ADAMTS19: variants seen among roughly 807,000 people sequenced by gnomAD.
ADAMTS19 encodes the protein A disintegrin and metalloproteinase with thrombospondin motifs 19.
A neutral mutation model predicts 153.3 loss-of-function variants in ADAMTS19; 93 were observed. The observed-to-expected ratio is 0.61, with a 90% CI of 0.51 to 0.72. The LOEUF (loss-of-function observed/expected upper bound fraction) is 0.72. Ranked by LOEUF, ADAMTS19 falls within the 30% of genes least tolerant of loss-of-function variation. The pLI is 0.00. For synonymous variants in ADAMTS19, 600 were observed against 556.6 expected (o/e 1.08, Z -1.10); for missense variants, 1,482 against 1,552.1 (o/e 0.95, Z 0.76).
intron 2 of ADAMTS19, among the ~76,000 whole-genome samples, chr5:129,469,947 T>C (rs1750007978): frequency 6.6e-6 from 1 of 152,210 alleles, no homozygotes; most frequent in South Asian, 2.1e-4. Context: ...AATATGTAGA[T>C]ACATCAGTCT....
intron 2 of ADAMTS19, among the ~76,000 whole-genome samples, chr5:129,495,026 G>T (rs576217502): frequency 6.6e-6 from 1 of 151,796 alleles, no homozygotes; most frequent in Non-Finnish European, 1.5e-5. Flanking sequence ...AGTTGTATAG[G>T]GTCCACTTCA....
At chr5:129,605,633 TC>T (rs1336421526) in intron 8 of ADAMTS19, among the ~76,000 whole-genome samples, 12 of 152,324 alleles carry the variant, frequency 7.9e-5, no homozygotes, top group African/African-American at 2.9e-4. Context: ...TATGTCTCTT[TC>T]TTCTGTTTGT....
chr5:129,663,080 G>C (rs151109701), intron 15 of ADAMTS19, among the ~76,000 whole-genome samples: 1 of 151,864 alleles, frequency 6.6e-6, no homozygotes, highest in African/African-American at 2.4e-5. Context: ...ATTTTTAGTA[G>C]AGACGGGGTT....
intron 14 of ADAMTS19, among the ~76,000 whole-genome samples, chr5:129,655,813 A>G (rs1273943506): frequency 6.6e-6 from 1 of 152,262 alleles, no homozygotes; most frequent in Non-Finnish European, 1.5e-5. Flanking sequence ...AGTAGGCTAT[A>G]AAGTTTAAAG....
chr5:129,498,530 C>A (rs1184909195), intron 2 of ADAMTS19, among the ~76,000 whole-genome samples: 1 of 151,924 alleles, frequency 6.6e-6, no homozygotes, highest in Non-Finnish European at 1.5e-5. Context: ...TTTGCTGTGA[C>A]ATATACACAT....
chr5:129,483,959 CA>C (rs1288809666), intron 2 of ADAMTS19, among the ~76,000 whole-genome samples: 1 of 152,138 alleles, frequency 6.6e-6, no homozygotes, highest in Admixed American at 6.5e-5. Context: ...TCTGCCAAAT[CA>C]ACTTCTAAAA....
intron 7 of ADAMTS19, among the ~76,000 whole-genome samples, chr5:129,579,305 TTTGA>T (rs1248823801): frequency 3.3e-5 from 5 of 152,154 alleles, no homozygotes; most frequent in Non-Finnish European, 4.4e-5. Flanking sequence ...TTCTTGTAAA[TTTGA>T]TTAAGTTCTT....
intron 19 of ADAMTS19, among the ~76,000 whole-genome samples, chr5:129,700,843 A>G (rs1755804084): frequency 6.6e-6 from 1 of 151,988 alleles, no homozygotes; most frequent in African/African-American, 2.4e-5. Flanking sequence ...GAGAAGAAAT[A>G]TGGAGCACTC....
chr5:129,522,652 C>G (rs1751864534), intron 3 of ADAMTS19, among the ~76,000 whole-genome samples: 1 of 151,870 alleles, frequency 6.6e-6, no homozygotes. Flanking sequence ...TGGGGATAGT[C>G]TACATAAGAT....
intron 8 of ADAMTS19, among the ~76,000 whole-genome samples, chr5:129,602,836 G>T (rs995394279): frequency 6.6e-5 from 10 of 151,614 alleles, no homozygotes; most frequent in Non-Finnish European, 1.3e-4. Context: ...CTGTGTGTGT[G>T]TGTGTGTGTG....
chr5:129,636,803 A>C, intron 10 of ADAMTS19, among the ~76,000 whole-genome samples: 1 of 152,228 alleles, frequency 6.6e-6, no homozygotes, highest in Non-Finnish European at 1.5e-5. Flanking sequence ...GTCAATGTTT[A>C]TTAAGATTTA....
At chr5:129,519,184 T>C (rs1751707411) in intron 3 of ADAMTS19, among the ~76,000 whole-genome samples, 1 of 152,076 alleles carries the variant, frequency 6.6e-6, no homozygotes, top group Admixed American at 6.6e-5. Flanking sequence ...TTTCAGTTAG[T>C]AGGTGGCAAA....
intron 13 of ADAMTS19, among the ~76,000 whole-genome samples, chr5:129,653,460 A>T (rs533310304): frequency 6.6e-6 from 1 of 152,286 alleles, no homozygotes; most frequent in Admixed American, 6.5e-5. Context: ...TTTTAACCCC[A>T]AACATCCTAT....
chr5:129,615,538 T>G (rs1751479240), intron 8 of ADAMTS19, among the ~76,000 whole-genome samples: 1 of 152,042 alleles, frequency 6.6e-6, no homozygotes. Flanking sequence ...ATGATTCTGA[T>G]GCAAGTGGTT....
chr5:129,684,931 G>GAGCCAAGATCCTGCC (rs1218782368), intron 18 of ADAMTS19, among the ~76,000 whole-genome samples: 4 of 151,426 alleles, frequency 2.6e-5, no homozygotes, highest in African/African-American at 7.3e-5. Context: ...GGCTTGCAGT[G>GAGCCAAGATCCTGCC]AGCCAAGATC....
At chr5:129,718,626 C>A (rs77703826) in intron 21 of ADAMTS19, among the ~76,000 whole-genome samples, 2 of 152,118 alleles carry the variant, frequency 1.3e-5, no homozygotes, top group Non-Finnish European at 2.9e-5. Flanking sequence ...AGGAATGCAG[C>A]GCTAATAATT....
At chr5:129,603,465 A>G (rs1330969898) in intron 8 of ADAMTS19, among the ~76,000 whole-genome samples, 5 of 152,194 alleles carry the variant, frequency 3.3e-5, no homozygotes, top group Non-Finnish European at 1.5e-5. Flanking sequence ...ATATACACAC[A>G]TACAACGTAG....
chr5:129,560,686 G>A (rs990803477), intron 7 of ADAMTS19, among the ~76,000 whole-genome samples: 2 of 152,114 alleles, frequency 1.3e-5, no homozygotes, highest in Non-Finnish European at 2.9e-5. Context: ...GAATTTCAAG[G>A]AAAACTTTTT....
At chr5:129,462,201 A>G (rs1749698853) in intron 2 of ADAMTS19, among the ~76,000 whole-genome samples, 1 of 152,148 alleles carries the variant, frequency 6.6e-6, no homozygotes, top group South Asian at 2.1e-4. Context: ...GAGCTTTTTC[A>G]TAACCTACTT....
Sources: allele counts gnomAD v4.1 joint callset (sites outside exome capture counted in the v4.1 genomes callset), GRCh38; gene constraint gnomAD v4.1.1; transcripts MANE v1.5; gene names NCBI Gene and HGNC (gene_info 2026-07-23, HGNC 2026-07-21).